The following NAALADL2 variants were observed in gnomAD, a reference collection of about 807,000 sequenced individuals.
NAALADL2 encodes the protein inactive N-acetylated-alpha-linked acidic dipeptidase-like protein 2.
In NAALADL2, 76 loss-of-function variants were observed where a neutral mutation model predicts 87.2. The ratio of observed to expected loss-of-function variants is 0.87; its 90% CI spans 0.72 to 1.05. NAALADL2 has a LOEUF of 1.05. Among genes scored for constraint, NAALADL2 ranks in the 50% least tolerant of loss-of-function variants. The pLI is 0.00. For synonymous variants in NAALADL2, 354 were observed against 331.0 expected, an observed-to-expected ratio of 1.07 and a Z score of -0.75; for missense variants, 1,089 against 945.8, an observed-to-expected ratio of 1.15 and a Z score of -1.99.
intron 5 of NAALADL2, among the ~76,000 whole-genome samples, chr3:175,403,819 C>T (rs1711806988): frequency 2.0e-5 from 3 of 152,088 alleles, no homozygotes; most frequent in Admixed American, 1.3e-4. Flanking sequence ...TTTCTAAACT[C>T]GCACGGCATT....
At chr3:174,486,471 A>G (rs1398450614) in intron 1 of NAALADL2, among the ~76,000 whole-genome samples, 2 of 151,984 alleles carry the variant, frequency 1.3e-5, no homozygotes, top group South Asian at 4.1e-4. Context: ...TTTGTCAATT[A>G]CGCTTTAGGT....
chr3:175,016,338 A>G (rs1195332924), intron 1 of NAALADL2, among the ~76,000 whole-genome samples: 1 of 150,410 alleles, frequency 6.6e-6, no homozygotes, highest in Non-Finnish European at 1.5e-5. Flanking sequence ...ATATTACGTG[A>G]CTCATTACAA....
intron 1 of NAALADL2, among the ~76,000 whole-genome samples, chr3:174,458,123 C>T (rs546677921): frequency 8.5e-5 from 13 of 152,152 alleles, no homozygotes; most frequent in Non-Finnish European, 1.6e-4. Flanking sequence ...CCTGCACATA[C>T]ACCCTTGAAC....
At chr3:175,617,421 AG>A (rs1384508304) in intron 10 of NAALADL2, among the ~76,000 whole-genome samples, 2 of 152,226 alleles carry the variant, frequency 1.3e-5, no homozygotes, top group African/African-American at 4.8e-5. Context: ...TCCACCCTCC[AG>A]TTGTCCCCAT....
intron 1 of NAALADL2, among the ~76,000 whole-genome samples, chr3:174,879,343 T>G (rs1728905713): frequency 6.6e-6 from 1 of 152,060 alleles, no homozygotes; most frequent in African/African-American, 2.4e-5. Flanking sequence ...TCCCCTTCAT[T>G]GTAGATTGGC....
At chr3:175,421,324 A>G (rs546131347) in intron 5 of NAALADL2, among the ~76,000 whole-genome samples, 4 of 152,150 alleles carry the variant, frequency 2.6e-5, no homozygotes, top group Non-Finnish European at 5.9e-5. Flanking sequence ...TTACCTAGGA[A>G]CTTAATCAAA....
intron 1 of NAALADL2, among the ~76,000 whole-genome samples, chr3:175,086,784 A>G (rs115921376): frequency 0.02 from 3,105 of 152,238 alleles, 51 homozygotes; most frequent in Admixed American, 0.031. Context: ...AACTATTAGT[A>G]GACATGTCTA....
At chr3:174,503,356 A>G (rs1719018220) in intron 1 of NAALADL2, among the ~76,000 whole-genome samples, 1 of 152,150 alleles carries the variant, frequency 6.6e-6, no homozygotes, top group African/African-American at 2.4e-5. Flanking sequence ...TAACTTAACC[A>G]TTTATGTTTT....
At chr3:175,310,958 T>C (rs766424202) in intron 4 of NAALADL2, among the ~76,000 whole-genome samples, 63 of 151,940 alleles carry the variant, frequency 4.1e-4, no homozygotes, top group Non-Finnish European at 8.5e-4. Flanking sequence ...ATGCAGTTGA[T>C]AATATTAACA....
intron 10 of NAALADL2, among the ~76,000 whole-genome samples, chr3:175,606,186 C>A: frequency 6.6e-6 from 1 of 152,144 alleles, no homozygotes; most frequent in Non-Finnish European, 1.5e-5. Context: ...GTATTTAAGT[C>A]TGAGGAAAAC....
chr3:175,487,308 A>C (rs528765837), intron 9 of NAALADL2, among the ~76,000 whole-genome samples: 1 of 152,250 alleles, frequency 6.6e-6, no homozygotes, highest in African/African-American at 2.4e-5. Context: ...TAATCTACTT[A>C]TTGACTGTTT....
At chr3:174,441,522 T>A (rs1403266958) in intron 1 of NAALADL2, among the ~76,000 whole-genome samples, 1 of 151,916 alleles carries the variant, frequency 6.6e-6, no homozygotes, top group Non-Finnish European at 1.5e-5. Context: ...CGCAGCACAG[T>A]TCCGCCCCCG....
In NAALADL2 at chr3:175,613,687, G is replaced by T. The variant is rs186813500; in HGVS notation, c.1801-13604G>T. On this transcript the variant is annotated intron_variant, in intron 10 of 13. Coordinates refer to ENST00000454872, the MANE Select transcript of NAALADL2 (RefSeq NM_207015.3). ...TAAGAGCACAGATAATGCCTGTGATGATTTCCTGGTTTTACTGCTTGGGCA... is the reference window on the plus strand; with the variant it reads ...TAAGAGCACAGATAATGCCTGTGATTATTTCCTGGTTTTACTGCTTGGGCA... 1.4e-3 allele frequency among the ~76,000 whole-genome samples: 212 copies of T among 152,216 alleles called. No individual in the cohort carries two copies. The South Asian group carries it at 0.016, about 11-fold the overall frequency.
chr3:175,644,848 T>C (rs1729779234), intron 11 of NAALADL2, among the ~76,000 whole-genome samples: 1 of 152,176 alleles, frequency 6.6e-6, no homozygotes, highest in Non-Finnish European at 1.5e-5. Flanking sequence ...GTGCTGTTGA[T>C]TTTTCACATT....
At chr3:175,613,921 A>G (rs997843151) in intron 10 of NAALADL2, among the ~76,000 whole-genome samples, 34 of 152,334 alleles carry the variant, frequency 2.2e-4, no homozygotes, top group Non-Finnish European at 4.0e-4. Flanking sequence ...ACATTAGGAT[A>G]TATCCATCTA....
At position 175,804,765 on chromosome 3, in the gene NAALADL2, TG is replaced by T. The variant is rs1754558036; in HGVS notation, c.*1563del. 6.6e-6 allele frequency: 1 copy of T among 151,844 alleles called. No homozygotes were observed. The highest frequency in any genetic ancestry group is 2.4e-5 in the African/African-American group (1 of 41,396). The allele number at this position is 151,844 out of a possible 1,614,324, so 9.4% of individuals were successfully genotyped here. On this transcript the variant is annotated 3_prime_UTR_variant, in exon 14 of 14. Coordinates refer to ENST00000454872, the MANE Select transcript of NAALADL2 (RefSeq NM_207015.3). ...AAATAATTAATCAATACTGATTAATTGATTTATAAGGTTCAACACTGTCTAC... is the reference window on the plus strand; with the variant it reads ...AAATAATTAATCAATACTGATTAATTATTTATAAGGTTCAACACTGTCTAC...
chr3:175,396,925 A>T (rs1490290502), intron 5 of NAALADL2, among the ~76,000 whole-genome samples: 2 of 152,150 alleles, frequency 1.3e-5, no homozygotes, highest in African/African-American at 2.4e-5. Context: ...CTGTGAGTCA[A>T]TTAAACCTCT....
At chr3:174,531,440 T>A (rs1002107057) in intron 1 of NAALADL2, among the ~76,000 whole-genome samples, 1 of 152,160 alleles carries the variant, frequency 6.6e-6, no homozygotes, top group African/African-American at 2.4e-5. Context: ...AAAATCCACG[T>A]AAAGGCCATC....
At chr3:174,892,698 T>TG (rs1298108016) in intron 1 of NAALADL2, among the ~76,000 whole-genome samples, 1 of 151,652 alleles carries the variant, frequency 6.6e-6, no homozygotes, top group African/African-American at 2.4e-5. Context: ...TCGAGGTGGG[T>TG]GGATTGCCTG....
Sources: allele counts gnomAD v4.1 joint callset (sites outside exome capture counted in the v4.1 genomes callset), GRCh38; gene constraint gnomAD v4.1.1; transcripts MANE v1.5; gene names NCBI Gene and HGNC (gene_info 2026-07-23, HGNC 2026-07-21).